MAP3K12: variants seen among roughly 807,000 people sequenced by gnomAD.
MAP3K12 encodes the protein mitogen-activated protein kinase kinase kinase 12.
In MAP3K12, 14 loss-of-function variants were observed where a neutral mutation model predicts 87.5. The ratio of observed to expected loss-of-function variants is 0.16; its 90% CI spans 0.11 to 0.25. The LOEUF (loss-of-function observed/expected upper bound fraction) is 0.25. Among genes scored for constraint, MAP3K12 ranks in the 10% least tolerant of loss-of-function variants. The pLI is 1.00. For missense variants in MAP3K12, 802 were observed against 1,140.4 expected (o/e 0.70, Z 4.27); for synonymous variants, 469 against 452.5 (o/e 1.04, Z -0.46).
At chr12:53,481,782 C>G (rs1943058467) in intron 13 of MAP3K12, 159 bp downstream of exon 13, 2 of 820,080 alleles carry the variant, frequency 2.4e-6, no homozygotes, top group Non-Finnish European at 3.8e-6. Flanking sequence ...GTAATAGATG[C>G]TCTGTGCAAG....
intron 1 of MAP3K12, among the ~76,000 whole-genome samples, chr12:53,489,566 G>A (rs1020158553): frequency 6.6e-6 from 1 of 152,200 alleles, no homozygotes; most frequent in African/African-American, 2.4e-5. Context: ...AGATTCCCAA[G>A]AACAAGCATC....
At chr12:53,484,142 C>G in intron 7 of MAP3K12, 115 bp downstream of exon 7, 1 of 1,352,168 alleles carries the variant, frequency 7.4e-7, no homozygotes, top group Non-Finnish European at 1.0e-6. Flanking sequence ...TGACTCAGCC[C>G]TCTAAGAGCC....
At position 53,482,676 on chromosome 12, in the gene MAP3K12, C is replaced by T; in HGVS notation, c.2127G>A (p.Gly709=). The T allele has an allele frequency of 1.2e-6, 2 of 1,613,990 alleles. No individual in the cohort carries two copies. The highest frequency in any genetic ancestry group is 1.7e-6 in the Non-Finnish European group (2 of 1,180,032). ...TCCCTTCCCTTCCAGTTCCCAGAAG[C>T]CCCACACCTTCACCAGGCCCTACTG... is the stretch of plus-strand genomic sequence containing the variant. The part of the protein sequence containing the change: ...PPPVGPGEGV[G]LLGTGREGTS... Residue 709 remains glycine (G), a synonymous_variant, in exon 11 of 14, where the codon GGG becomes GGA. Transcript: ENST00000547488.
chr12:53,496,129 T>C (rs1215526084), intron 1 of MAP3K12, among the ~76,000 whole-genome samples: 2 of 152,162 alleles, frequency 1.3e-5, no homozygotes, highest in Non-Finnish European at 2.9e-5. Flanking sequence ...TCTTCCTGGT[T>C]GGCTGGACAC....
chr12:53,487,774 A>AC (rs981658995), intron 1 of MAP3K12: 6 of 190,662 alleles, frequency 3.1e-5, no homozygotes, highest in Non-Finnish European at 5.4e-5. Context: ...TTCTCCCTGT[A>AC]AGATGACTAA....
rs1255717486 is a variant in MAP3K12 at position 53,480,105 on chromosome 12, G to C, written c.*1077C>G. On this transcript the variant is annotated 3_prime_UTR_variant, in exon 14 of 14. Coordinates refer to ENST00000547488, the MANE Select transcript of MAP3K12 (RefSeq NM_001193511.2). ...GGAGTAGGCAAGCACTTCCACTAGGGAGGGGGTGGGGGAAAGGAATGACAC... is the reference window on the plus strand; with the variant it reads ...GGAGTAGGCAAGCACTTCCACTAGGCAGGGGGTGGGGGAAAGGAATGACAC... 2.0e-5 allele frequency: 3 copies of C among 152,046 alleles called. No homozygotes were observed. The highest frequency in any genetic ancestry group is 4.4e-5 in the Non-Finnish European group (3 of 68,008). The allele number at this position is 152,046 out of a possible 1,614,324, so 9.4% of individuals were successfully genotyped here.
chr12:53,483,760 G>A, intron 8 of MAP3K12, 37 bp from the exon 9 acceptor site: 1 of 1,613,366 alleles, frequency 6.2e-7, no homozygotes, highest in Non-Finnish European at 8.5e-7. Flanking sequence ...GGTGAACTGG[G>A]TTCACCTAGG....
intron 4 of MAP3K12, 162 bp from the exon 5 acceptor site, chr12:53,485,637 C>T: frequency 2.8e-6 from 2 of 719,644 alleles, no homozygotes; most frequent in South Asian, 3.6e-5. Flanking sequence ...CTCACTGCAA[C>T]CTCCACCTCC....
rs1943062368 is a variant in MAP3K12 at position 53,481,885 on chromosome 12, C to T, written c.2580+56G>A. On this transcript the variant is annotated intron_variant, in intron 13 of 13. Coordinates refer to ENST00000547488, the MANE Select transcript of MAP3K12 (RefSeq NM_001193511.2). ...CCCCAAAAGCTGTTAAAAGACAAGG[C>T]ATCTGCTTACAGCTCTCCCTGTTCA... The T allele has an allele frequency of 3.2e-6, 5 of 1,571,778 alleles. No homozygotes were observed. In the Admixed American group the frequency reaches 5.2e-5, roughly 16 times the overall value.
rs532468167 is a variant in MAP3K12, at chr12:53,497,264, T to G, written c.-38+2163A>C. ...CTATAAGCATTAGCCATATGGAAAG[T>G]GCCTAACACACACTTGTAAGTTTTT... is the stretch of plus-strand genomic sequence containing the variant. On this transcript the variant is annotated intron_variant, in intron 1 of 13. Transcript: ENST00000547488. Among the ~76,000 whole-genome samples, 35 of 152,310 alleles carry G rather than the reference T, an allele frequency of 2.3e-4. No homozygotes were observed. In the South Asian group the frequency reaches 7.3e-3, roughly 32 times the overall value.
At chr12:53,501,190 C>G (rs1592730909), upstream of MAP3K12, 2 of 582,766 alleles carry the variant, frequency 3.4e-6, no homozygotes, top group Admixed American at 6.2e-5. Flanking sequence ...GCAGCCTGCC[C>G]GGGCGAGCCA....
intron 1 of MAP3K12, among the ~76,000 whole-genome samples, chr12:53,489,355 A>G (rs925555943): frequency 1.2e-4 from 19 of 152,150 alleles, no homozygotes; most frequent in Admixed American, 5.2e-4. Flanking sequence ...CTGAATCCTG[A>G]CTTGCTTCTG....
chr12:53,492,478 CACAA>C (rs1943441225), intron 1 of MAP3K12, among the ~76,000 whole-genome samples: 1 of 152,108 alleles, frequency 6.6e-6, no homozygotes. Flanking sequence ...CAAACACACA[CACAA>C]AACTAGCTCC....
At chr12:53,493,229 G>GCCTGGGCCCCGCCCCTGA (rs1301908315) in intron 1 of MAP3K12, among the ~76,000 whole-genome samples, 2 of 152,116 alleles carry the variant, frequency 1.3e-5, no homozygotes, top group African/African-American at 4.8e-5. Flanking sequence ...GCGGGGCTGT[G>GCCTGGGCCCCGCCCCTGA]CCTGGGCCCC....
At position 53,499,227 on chromosome 12, in the gene MAP3K12, T is replaced by A. The variant is rs188958795; in HGVS notation, c.-38+200A>T. ...TCTCCAAGCTGGGCCGCGGCATCCC[T>A]CCGCTCCATTCCCTTCCTTCCCAGC... is the stretch of plus-strand genomic sequence containing the variant. On this transcript the variant is annotated intron_variant, in intron 1 of 13. Coordinates refer to ENST00000547488, the MANE Select transcript of MAP3K12 (RefSeq NM_001193511.2). Among the ~76,000 whole-genome samples the A allele has an allele frequency of 4.6e-5, 7 of 151,106 alleles. No individual in the cohort carries two copies. The East Asian group carries it at 1.4e-3, about 29-fold the overall frequency.
chr12:53,492,450 TGCGCGCGC>T (rs764285512), intron 1 of MAP3K12, among the ~76,000 whole-genome samples: 45 of 151,210 alleles, frequency 3.0e-4, no homozygotes, highest in African/African-American at 4.1e-4. Context: ...ACACTCTCTC[TGCGCGCGC>T]GCGCGCGCGC....
Position 53,487,149 on chromosome 12 carries a change from C to T in MAP3K12, c.243G>A (p.Leu81=). ...CCCCTGCATCCTGCTCATGTAGCTGCAGGACACTGTTGGCAAAAGGCTCAG... is the reference window on the plus strand; with the variant it reads ...CCCCTGCATCCTGCTCATGTAGCTGTAGGACACTGTTGGCAAAAGGCTCAG... ...PPPEPFANSV[L]QLHEQDAGGP... The change falls in exon 2 of 14, where the codon CTG becomes CTA. Residue 81 remains leucine, a synonymous_variant. Coordinates refer to ENST00000547488, the MANE Select transcript of MAP3K12 (RefSeq NM_001193511.2). 1 of 1,614,088 alleles carries T rather than the reference C, an allele frequency of 6.2e-7. No homozygotes were observed. The highest frequency in any genetic ancestry group is 8.5e-7 in the Non-Finnish European group (1 of 1,179,994).
At chr12:53,483,508 C>A in intron 9 of MAP3K12, 22 bp from the exon 10 acceptor site, 1 of 1,613,986 alleles carries the variant, frequency 6.2e-7, no homozygotes, top group Non-Finnish European at 8.5e-7. Flanking sequence ...GGCACCTTCT[C>A]AGCTGGGCAA....
chr12:53,499,797 C>A (rs1454532434), upstream of MAP3K12, among the ~76,000 whole-genome samples: 1 of 152,196 alleles, frequency 6.6e-6, no homozygotes, highest in Admixed American at 6.5e-5. Flanking sequence ...CGTACCTGGC[C>A]CGCCTGGGCC....
Sources: allele counts gnomAD v4.1 joint callset (sites outside exome capture counted in the v4.1 genomes callset), GRCh38; gene constraint gnomAD v4.1.1; transcripts MANE v1.5; gene names NCBI Gene and HGNC (gene_info 2026-07-23, HGNC 2026-07-21).